Variants in GOLGA3 observed in about 807,000 individuals in gnomAD.
The protein encoded by GOLGA3 is golgin subfamily A member 3.
In GOLGA3, 75 loss-of-function variants were observed where a neutral mutation model predicts 169.4. The ratio of observed to expected loss-of-function variants is 0.44; its 90% confidence interval spans 0.37 to 0.54. The LOEUF (loss-of-function observed/expected upper bound fraction) is 0.54, where lower values mean the gene tolerates loss of function less well. GOLGA3 is among the 20% of genes least tolerant of loss of function. The pLI is 0.00. For missense variants in GOLGA3, 1,899 were observed against 1,930.0 expected, an observed-to-expected ratio of 0.98 and a Z score of 0.30; for synonymous variants, 824 against 822.4, an observed-to-expected ratio of 1.00 and a Z score of -0.03.
At chr12:132,775,855 TTTG>T (rs756883921) in intron 21 of GOLGA3, among the ~76,000 whole-genome samples, 61 of 152,370 alleles carry the variant, frequency 4.0e-4, no homozygotes, top group Middle Eastern at 3.4e-3. Context: ...CCCTGAGTTC[TTTG>T]TTGAGAAGTT....
chr12:132,801,821 G>A lies in GOLGA3; in HGVS notation c.1746C>T (p.Leu582=), dbSNP rs201097267. ...TGACGCGGGCCTCCTGTGCCAGGGCGAGCTGCTGCTGGTACCACTGCCGGA... is the reference window on the plus strand; with the variant it reads ...TGACGCGGGCCTCCTGTGCCAGGGCAAGCTGCTGCTGGTACCACTGCCGGA... ...QSVRQWYQQQ[L]ALAQEARVRL... Residue 582 remains leucine, a synonymous_variant, in exon 8 of 24, where the codon CTC becomes CTT. Transcript: ENST00000450791. 31 of 1,610,340 alleles carry A rather than the reference G, an allele frequency of 1.9e-5. No individual in the cohort carries two copies. The Admixed American group carries it at 2.3e-4, about 12-fold the overall frequency.
At chr12:132,824,336 CCT>C (rs1006749283) in intron 1 of GOLGA3, among the ~76,000 whole-genome samples, 1 of 152,226 alleles carries the variant, frequency 6.6e-6, no homozygotes, top group African/African-American at 2.4e-5. Flanking sequence ...ATCCACCATT[CCT>C]CTCTGCCACC....
rs999599635 is a variant in GOLGA3, at chr12:132,789,063, C to T, written c.2775G>A (p.Ala925=). 16 of 1,600,842 alleles carry T rather than the reference C, an allele frequency of 1.0e-5. No homozygotes were observed. The highest frequency in any genetic ancestry group is 2.2e-5 in the South Asian group (2 of 89,784). Residue 925 remains alanine (A), a synonymous_variant, in exon 13 of 24, where the codon GCG becomes GCA. Transcript: ENST00000450791. The stretch of plus-strand genomic sequence containing the variant: ...TTTCCATCTCGTCTCGCTCCTTCTG[C>T]GCCGACTGGAGATGCCCTTCAAGGT... ...MADLEGHLQS[A]QKERDEMETH...
At chr12:132,822,529 TGTATCG>T (rs1418983106) in intron 1 of GOLGA3, among the ~76,000 whole-genome samples, 1 of 152,240 alleles carries the variant, frequency 6.6e-6, no homozygotes, top group African/African-American at 2.4e-5. Context: ...GCTTAATGTC[TGTATCG>T]GTGCCAACTA....
intron 22 of GOLGA3, chr12:132,774,712 T>C (rs1388105982): frequency 2.5e-6 from 1 of 405,530 alleles, no homozygotes; most frequent in Non-Finnish European, 4.4e-6. Flanking sequence ...TCAAACTTTT[T>C]CCACAGATAA....
In GOLGA3 at chr12:132,801,754, A is replaced by G; in HGVS notation, c.1800+13T>C. The G allele has an allele frequency of 6.2e-7, 1 of 1,608,918 alleles. No individual in the cohort carries two copies. The highest frequency in any genetic ancestry group is 8.5e-7 in the Non-Finnish European group (1 of 1,177,198). On this transcript the variant is annotated intron_variant, in intron 8 of 23. Transcript: ENST00000450791. Reference sequence around the variant, plus strand: ...AAGCGTGACCTGCCCTGGAAGGTAGATGTGGGCCGTACCTGGATGTGGGCC... The same window carrying G: ...AAGCGTGACCTGCCCTGGAAGGTAGGTGTGGGCCGTACCTGGATGTGGGCC...
rs775131145 is a variant in GOLGA3 at position 132,816,530 on chromosome 12, G to A, written c.406+10C>T. 9.9e-6 allele frequency: 16 copies of A among 1,608,386 alleles called. No individual in the cohort carries two copies. Among genetic ancestry groups the A allele is most frequent in the East Asian group, 8.9e-5 (4 of 44,744 alleles). ...TGGAGGGTGGGAAAAGCGGGGTAACGGATGCTTACACAGTTGCGTTTCTTG... is the reference window on the plus strand; with the variant it reads ...TGGAGGGTGGGAAAAGCGGGGTAACAGATGCTTACACAGTTGCGTTTCTTG... On this transcript the variant is annotated intron_variant, in intron 3 of 23. Coordinates refer to ENST00000450791, the MANE Select transcript of GOLGA3 (RefSeq NM_001389683.1).
At chr12:132,776,885 A>G in intron 20 of GOLGA3, 73 bp downstream of exon 20, 5 of 1,546,174 alleles carry the variant, frequency 3.2e-6, no homozygotes, top group Non-Finnish European at 4.4e-6. Context: ...TTGCTCCCCA[A>G]GCAGGATGGA....
chr12:132,799,729 CTTG>C (rs1949038648), intron 8 of GOLGA3, among the ~76,000 whole-genome samples: 1 of 151,768 alleles, frequency 6.6e-6, no homozygotes, highest in Non-Finnish European at 1.5e-5. Context: ...ACCATACTTC[CTTG>C]TTGTTGGTTT....
chr12:132,801,092 G>A lies in GOLGA3; in HGVS notation c.1800+675C>T, dbSNP rs765170924. 3.8e-4 allele frequency among the ~76,000 whole-genome samples: 58 copies of A among 152,374 alleles called. 2 individuals carry two copies. Among genetic ancestry groups the A allele is most frequent in the South Asian group, 3.5e-3 (17 of 4,832 alleles). On this transcript the variant is annotated intron_variant, in intron 8 of 23. Transcript: ENST00000450791. ...GAACCATTCGCCTGTCGGTCTGGGCGTCTCCAGCACACGAAGCAGTTGCTG... is the reference window on the plus strand; with the variant it reads ...GAACCATTCGCCTGTCGGTCTGGGCATCTCCAGCACACGAAGCAGTTGCTG...
In GOLGA3 at chr12:132,786,587, G is replaced by A. The variant is rs1227254646; in HGVS notation, c.2907-32C>T. On this transcript the variant is annotated intron_variant, in intron 14 of 23. Transcript: ENST00000450791. Reference sequence around the variant, plus strand: ...TGTCATGAGGGAGACACAGGAGGAAGCTGAATTATCCCGATGTGACCGTCT... The same window carrying A: ...TGTCATGAGGGAGACACAGGAGGAAACTGAATTATCCCGATGTGACCGTCT... The A allele has an allele frequency of 2.5e-6, 4 of 1,606,908 alleles. No individual in the cohort carries two copies. In the African/African-American group the frequency reaches 4.0e-5, roughly 16 times the overall value.
Position 132,798,381 on chromosome 12 carries a change from T to C in GOLGA3, c.1897A>G (p.Lys633Glu). ...TGTGCCGCGATGCGCCCCTTCTCCT[T>C]CATGGACCTGTGCTGAGTTTCCGTC... ...QLTETQHRSM[K>E]EKGRIAAQLQ... The change falls in exon 9 of 24, where the codon AAG becomes GAG. Residue 633 changes from lysine to glutamate, a missense_variant. By Grantham distance (56) the Lys-to-Glu change is moderately conservative. Coordinates refer to ENST00000450791, the MANE Select transcript of GOLGA3 (RefSeq NM_001389683.1). 1 of 1,613,660 alleles carries C rather than the reference T, an allele frequency of 6.2e-7. No homozygotes were observed. The highest frequency in any genetic ancestry group is 1.3e-5 in the African/African-American group (1 of 75,018).
chr12:132,799,792 G>C (rs960371052), intron 8 of GOLGA3, among the ~76,000 whole-genome samples: 2 of 151,950 alleles, frequency 1.3e-5, no homozygotes, highest in African/African-American at 4.8e-5. Context: ...GAAGTGTGGA[G>C]TGCAGCAGCG....
rs760342796 is a variant in GOLGA3 at position 132,816,721 on chromosome 12, G to A, written c.225C>T (p.Phe75=). Residue 75 remains phenylalanine, a synonymous_variant, in exon 3 of 24, where the codon TTC becomes TTT. Transcript: ENST00000450791. ...GLCQNGPTPP[F]PDPPSSLDPT... ...GATCGAGAGACGACGGAGGGTCTGGGAAGGGTGGCGTTGGCCCGTTCTGAC... is the reference window on the plus strand; with the variant it reads ...GATCGAGAGACGACGGAGGGTCTGGAAAGGGTGGCGTTGGCCCGTTCTGAC... 6 of 1,613,988 alleles carry A rather than the reference G, an allele frequency of 3.7e-6. No homozygotes were observed. The Admixed American group carries it at 1.0e-4, about 27-fold the overall frequency.
chr12:132,800,712 A>C (rs992744005), intron 8 of GOLGA3, among the ~76,000 whole-genome samples: 6 of 151,968 alleles, frequency 3.9e-5, no homozygotes, highest in Non-Finnish European at 5.9e-5. Flanking sequence ...TGTAATCCCA[A>C]CACTTTGGGA....
intron 9 of GOLGA3, 102 bp from the exon 10 acceptor site, chr12:132,796,802 G>GCCCC (rs1016789251): frequency 8.7e-7 from 1 of 1,156,022 alleles, no homozygotes; most frequent in African/African-American, 1.5e-5. Flanking sequence ...CCTGGCATGG[G>GCCCC]CCCCATCCAC....
At chr12:132,819,257 C>T (rs531592542) in intron 2 of GOLGA3, among the ~76,000 whole-genome samples, 20 of 152,320 alleles carry the variant, frequency 1.3e-4, no homozygotes, top group Non-Finnish European at 1.3e-4. Context: ...TAGCCGGGCG[C>T]GGTGGCTCAC....
At chr12:132,786,026 C>T (rs1456634577) in intron 15 of GOLGA3, among the ~76,000 whole-genome samples, 1 of 152,230 alleles carries the variant, frequency 6.6e-6, no homozygotes, top group African/African-American at 2.4e-5. Flanking sequence ...AGCTGGAACG[C>T]GAGCGGACCA....
At chr12:132,812,818 T>G (rs920462931) in intron 4 of GOLGA3, among the ~76,000 whole-genome samples, 1 of 152,208 alleles carries the variant, frequency 6.6e-6, no homozygotes, top group African/African-American at 2.4e-5. Context: ...AGCCCAACCT[T>G]CAGCAACCAC....
Sources: gnomAD v4.1 joint callset for allele counts (sites outside exome capture counted in the v4.1 genomes callset) on GRCh38, gnomAD v4.1.1 for gene constraint, MANE v1.5 for transcripts, NCBI Gene and HGNC (gene_info 2026-07-23, HGNC 2026-07-21) for gene names.